Variants in PTPRM observed in about 807,000 individuals in gnomAD.
PTPRM encodes the protein receptor-type tyrosine-protein phosphatase mu.
A neutral mutation model predicts 186.7 loss-of-function variants in PTPRM; 47 were observed. The ratio of observed to expected loss-of-function variants is 0.25; its 90% CI spans 0.20 to 0.32. The LOEUF is 0.32. PTPRM is among the 10% of genes least tolerant of loss of function. The pLI is 1.00. For missense variants in PTPRM, 1,494 were observed against 1,865.0 expected, an observed-to-expected ratio of 0.80 and a Z score of 3.66; for synonymous variants, 668 against 674.9, an observed-to-expected ratio of 0.99 and a Z score of 0.16.
At chr18:7,626,316 T>C (rs975291982) in intron 1 of PTPRM, among the ~76,000 whole-genome samples, 1 of 152,174 alleles carries the variant, frequency 6.6e-6, no homozygotes, top group African/African-American at 2.4e-5. Flanking sequence ...CCACCTTCAT[T>C]TAAAAGGGTT....
chr18:8,004,330 G>C (rs537466413), intron 7 of PTPRM, among the ~76,000 whole-genome samples: 2 of 152,140 alleles, frequency 1.3e-5, no homozygotes, highest in Non-Finnish European at 2.9e-5. Flanking sequence ...TGTAAATTGT[G>C]TGTGTGTGCC....
intron 1 of PTPRM, among the ~76,000 whole-genome samples, chr18:7,665,862 C>T (rs1051553253): frequency 6.6e-6 from 1 of 152,034 alleles, no homozygotes. Flanking sequence ...GCGGAGATTG[C>T]AGTGAGTTGG....
chr18:8,195,615 AT>A lies in PTPRM; in HGVS notation c.2301-48439del, dbSNP rs760648387. Among the ~76,000 whole-genome samples the A allele has an allele frequency of 1.3e-5, 2 of 152,294 alleles. 1 individual carries two copies. On this transcript the variant is annotated intron_variant, in intron 14 of 32. Transcript: ENST00000580170. ...CAGCATGAAGGAACTAGAGGCCATT[AT>A]TTTAAGTGAAACACCTTAGACACAA... is the stretch of plus-strand genomic sequence containing the variant.
chr18:7,730,813 T>C (rs528497469), intron 1 of PTPRM, among the ~76,000 whole-genome samples: 2 of 152,296 alleles, frequency 1.3e-5, no homozygotes, highest in African/African-American at 4.8e-5. Flanking sequence ...TTCCCTGACA[T>C]GTTGATTGCA....
chr18:8,295,190 C>T (rs2095082836), intron 19 of PTPRM, among the ~76,000 whole-genome samples: 1 of 152,170 alleles, frequency 6.6e-6, no homozygotes, highest in African/African-American at 2.4e-5. Flanking sequence ...GGGGCACAGA[C>T]ATCTCGTGGC....
At chr18:7,823,967 C>G (rs2045347105) in intron 2 of PTPRM, among the ~76,000 whole-genome samples, 1 of 152,208 alleles carries the variant, frequency 6.6e-6, no homozygotes, top group Non-Finnish European at 1.5e-5. Context: ...CAAGCCCCAA[C>G]CTGCTCACTG....
At chr18:7,676,015 G>A (rs940566456) in intron 1 of PTPRM, among the ~76,000 whole-genome samples, 2 of 152,138 alleles carry the variant, frequency 1.3e-5, no homozygotes, top group African/African-American at 2.4e-5. Context: ...CGGATTACAG[G>A]TGTGAGCCAC....
chr18:7,779,179 T>C (rs1383992498), intron 2 of PTPRM, among the ~76,000 whole-genome samples: 2 of 152,240 alleles, frequency 1.3e-5, no homozygotes, highest in Non-Finnish European at 2.9e-5. Flanking sequence ...TTATAGTCTA[T>C]GTTGTCCCCT....
At chr18:8,106,658 C>G (rs1053055816) in intron 11 of PTPRM, among the ~76,000 whole-genome samples, 1 of 152,184 alleles carries the variant, frequency 6.6e-6, no homozygotes, top group Non-Finnish European at 1.5e-5. Flanking sequence ...GGAACAAGGC[C>G]TGATACGTGG....
At chr18:7,785,440 TGAG>T (rs1051448617) in intron 2 of PTPRM, among the ~76,000 whole-genome samples, 6 of 151,084 alleles carry the variant, frequency 4.0e-5, no homozygotes, top group African/African-American at 7.3e-5. Flanking sequence ...GTGTGTATGT[TGAG>T]AGAGAGAGAG....
intron 13 of PTPRM, among the ~76,000 whole-genome samples, chr18:8,139,918 T>C (rs1031955769): frequency 2.6e-5 from 4 of 152,254 alleles, no homozygotes; most frequent in Non-Finnish European, 5.9e-5. Flanking sequence ...GTTTTTGTTT[T>C]GTCCATCTGC....
chr18:8,126,315 T>A (rs2092362083), intron 13 of PTPRM, among the ~76,000 whole-genome samples: 1 of 151,684 alleles, frequency 6.6e-6, no homozygotes, highest in Non-Finnish European at 1.5e-5. Context: ...TTTGACTGAT[T>A]TTATGTTACT....
intron 2 of PTPRM, among the ~76,000 whole-genome samples, chr18:7,858,684 G>A (rs191070330): frequency 6.6e-4 from 100 of 152,304 alleles, no homozygotes; most frequent in African/African-American, 2.3e-3. Context: ...AACGCAGTGC[G>A]TGGAAATGTT....
intron 1 of PTPRM, among the ~76,000 whole-genome samples, chr18:7,706,601 CAAAAAAAAAAAAAA>C (rs766639399): frequency 6.2e-5 from 1 of 16,144 alleles, no homozygotes; most frequent in African/African-American, 1.9e-4. Context: ...GACCTTGTCT[CAAAAAAAAAAAAAA>C]AAAAAAAAAA....
intron 7 of PTPRM, among the ~76,000 whole-genome samples, chr18:7,981,461 C>T (rs1166920016): frequency 6.6e-6 from 1 of 152,102 alleles, no homozygotes; most frequent in Non-Finnish European, 1.5e-5. Context: ...ATCTTTTCCT[C>T]CATGGAGCCA....
At chr18:8,066,748 T>G (rs2089114995) in intron 7 of PTPRM, among the ~76,000 whole-genome samples, 1 of 152,234 alleles carries the variant, frequency 6.6e-6, no homozygotes, top group Admixed American at 6.5e-5. Flanking sequence ...ATCTAAGATT[T>G]AGACCTCATA....
chr18:8,072,488 C>T lies in PTPRM; in HGVS notation c.1441+2494C>T, dbSNP rs569725637. Among the ~76,000 whole-genome samples the T allele has an allele frequency of 4.3e-3, 649 of 152,170 alleles. 9 individuals carry two copies. The highest frequency in any genetic ancestry group is 0.015 in the African/African-American group (609 of 41,542). ...CTAGCGTTTCATTAATTAGAAAAAA[C>T]TTTAATTTCAAATTATATTTTGTAA... On this transcript the variant is annotated intron_variant, in intron 8 of 32. Transcript: ENST00000580170.
Position 7,949,178 on chromosome 18 carries a change from C to G in PTPRM, c.664-3C>G, listed in dbSNP as rs1418244870. ...TTTGTCCTCCCCACCCCACTTGATA[C>G]AGGGCATTGATGTGCGAGATGCTCC... On this transcript the variant is annotated splice_region_variant and splice_polypyrimidine_tract_variant and intron_variant, in intron 5 of 32. Transcript: ENST00000580170. 1 of 1,594,898 alleles carries G rather than the reference C, an allele frequency of 6.3e-7. No individual in the cohort carries two copies. Among genetic ancestry groups the G allele is most frequent in the South Asian group, 1.1e-5 (1 of 89,796 alleles).
In PTPRM at chr18:8,228,009, A is replaced by G. The variant is rs184146562; in HGVS notation, c.2301-16049A>G. ...CAAAATATTACTAAGGATGACAGAT[A>G]CTACATCTATTATTTTTATGGCTGA... On this transcript the variant is annotated intron_variant, in intron 14 of 32. Transcript: ENST00000580170. Among the ~76,000 whole-genome samples the G allele has an allele frequency of 6.6e-5, 10 of 152,366 alleles. No homozygotes were observed. The East Asian group carries it at 1.9e-3, about 29-fold the overall frequency.
Sources: gnomAD v4.1 joint callset for allele counts (sites outside exome capture counted in the v4.1 genomes callset) on GRCh38, gnomAD v4.1.1 for gene constraint, MANE v1.5 for transcripts, NCBI Gene and HGNC (gene_info 2026-07-23, HGNC 2026-07-21) for gene names.